Variants in ANKRD36 observed in about 807,000 individuals in gnomAD.
ANKRD36 encodes ankyrin repeat domain-containing protein 36A.
ANKRD36 carries 179 observed loss-of-function variants against 278.1 expected under a neutral mutation model. That is an observed-to-expected ratio of 0.64 (90% CI 0.57 to 0.73). ANKRD36 has a LOEUF of 0.73. Among genes scored for constraint, ANKRD36 ranks in the 30% least tolerant of loss-of-function variants. The probability of loss-of-function intolerance (pLI) is 0.00; values close to 1 mark genes in which losing one functional copy is unlikely to be tolerated. For missense variants in ANKRD36, 1,159 were observed against 1,956.7 expected (o/e 0.59, Z 7.69); for synonymous variants, 320 against 641.1 (o/e 0.50, Z 7.57).
In ANKRD36 at chr2:97,209,831, A is replaced by T; in HGVS notation, c.3326A>T (p.Tyr1109Phe). 6.3e-7 allele frequency: 1 copy of T among 1,596,686 alleles called. No individual in the cohort carries two copies. Among genetic ancestry groups the T allele is most frequent in the Non-Finnish European group, 8.5e-7 (1 of 1,174,064 alleles). ...ATSDEKDSVL[Y>F]IAREKKDGEK... ...AGTGACGAGAAAGATTCTGTTTTGTATATAGCCAGAGAAAAAAAGGATGGA... is the reference window on the plus strand; with the variant it reads ...AGTGACGAGAAAGATTCTGTTTTGTTTATAGCCAGAGAAAAAAAGGATGGA... The change falls in exon 56 of 76, where the codon TAT becomes TTT. Residue 1109 changes from tyrosine to phenylalanine, a missense_variant. By Grantham distance (22) the Tyr-to-Phe change is conservative. Coordinates refer to ENST00000420699, the MANE Select transcript of ANKRD36 (RefSeq NM_001354587.1).
chr2:97,231,209 G>C (rs1414125304), intron 67 of ANKRD36, among the ~76,000 whole-genome samples: 2 of 152,126 alleles, frequency 1.3e-5, no homozygotes, highest in Non-Finnish European at 2.9e-5. Context: ...AGAGGTTACT[G>C]CTGTCTTTTT....
At position 97,146,562 on chromosome 2, in the gene ANKRD36, TAGAG is replaced by T. The variant is rs754942050; in HGVS notation, c.1034+50_1034+53del. Reference sequence around the variant, plus strand: ...TAAAGTGATATGTTAACTTAGTTAATAGAGAGAATAGAAACTAGTATCCATTTAG... The same window carrying T: ...TAAAGTGATATGTTAACTTAGTTAATAGAATAGAAACTAGTATCCATTTAG... On this transcript the variant is annotated intron_variant, in intron 11 of 75. Coordinates refer to ENST00000420699, the MANE Select transcript of ANKRD36 (RefSeq NM_001354587.1). 5.9e-5 allele frequency: 84 copies of T among 1,430,200 alleles called. 1 individual carries two copies. Among genetic ancestry groups the T allele is most frequent in the Non-Finnish European group, 6.7e-5 (72 of 1,066,930 alleles). 88.6% of individuals were successfully genotyped at this position (1,430,200 alleles called of 1,614,324 possible).
chr2:97,151,767 T>G, intron 12 of ANKRD36, 112 bp from the exon 13 acceptor site: 1 of 796,228 alleles, frequency 1.3e-6, no homozygotes. Flanking sequence ...AATCTACATA[T>G]GAGTGATTTC....
At chr2:97,165,666 T>A (rs2050426658) in intron 20 of ANKRD36, among the ~76,000 whole-genome samples, 2 of 152,082 alleles carry the variant, frequency 1.3e-5, no homozygotes, top group Admixed American at 1.3e-4. Flanking sequence ...TGTTGGGCCC[T>A]ATAAAGGGTT....
rs770149151 is a variant in ANKRD36 at position 97,185,424 on chromosome 2, C to T, written c.1969-14C>T. 56 of 1,608,826 alleles carry T rather than the reference C, an allele frequency of 3.5e-5. No individual in the cohort carries two copies. Among genetic ancestry groups the T allele is most frequent in the Non-Finnish European group, 4.3e-5 (51 of 1,177,502 alleles). On this transcript the variant is annotated splice_polypyrimidine_tract_variant and intron_variant, in intron 29 of 75. Transcript: ENST00000420699. ...TACTTTCTTTATTGATAATTTGCTT[C>T]AAATTACTTTCAGGCTACAAGTGAC... is the stretch of plus-strand genomic sequence containing the variant.
chr2:97,206,132 A>G lies in ANKRD36; in HGVS notation c.3160A>G (p.Thr1054Ala). ...RENKDGEKSR[T>A]VSSEKPSGLK... ...AAACAAGGATGGAGAAAAATCTAGG[A>G]CAGGTAATTCTGAAAACAGATTTAA... Residue 1054 changes from threonine to alanine, a missense_variant, in exon 52 of 76, where the codon ACA becomes GCA. Physicochemically the swap from Thr to Ala is moderately conservative, Grantham distance 58. Coordinates refer to ENST00000420699, the MANE Select transcript of ANKRD36 (RefSeq NM_001354587.1). 2 of 1,537,086 alleles carry G rather than the reference A, an allele frequency of 1.3e-6. No homozygotes were observed. Among genetic ancestry groups the G allele is most frequent in the South Asian group, 1.2e-5 (1 of 83,112 alleles).
At chr2:97,150,225 A>T (rs2045548222) in intron 12 of ANKRD36, among the ~76,000 whole-genome samples, 1 of 151,760 alleles carries the variant, frequency 6.6e-6, no homozygotes, top group African/African-American at 2.4e-5. Context: ...GACTCTTCAT[A>T]TTTTATGGTC....
At chr2:97,161,372 T>C (rs1316812011) in intron 17 of ANKRD36, among the ~76,000 whole-genome samples, 1 of 152,192 alleles carries the variant, frequency 6.6e-6, no homozygotes, top group East Asian at 1.9e-4. Flanking sequence ...CCAAATTTTG[T>C]ATTTTCTACC....
At position 97,142,776 on chromosome 2, in the gene ANKRD36, A is replaced by G; in HGVS notation, c.842A>G (p.Lys281Arg). 6.3e-7 allele frequency: 1 copy of G among 1,579,964 alleles called. No homozygotes were observed. Among genetic ancestry groups the G allele is most frequent in the Non-Finnish European group, 8.6e-7 (1 of 1,163,058 alleles). Residue 281 changes from lysine to arginine, a missense_variant, in exon 8 of 76, where the codon AAG becomes AGG. Transcript: ENST00000420699. The stretch of plus-strand genomic sequence containing the variant: ...AATCCCACTCAGGCTACAAGTGGCA[A>G]GGAAGATTCTATTTCAAATATAGCC... ...KQPALKATSGKEDSISNIATE... is the reference protein window; with the variant it reads ...KQPALKATSGREDSISNIATE...
At chr2:97,114,391 C>T (rs1400184538) in intron 1 of ANKRD36, among the ~76,000 whole-genome samples, 1 of 126,780 alleles carries the variant, frequency 7.9e-6, no homozygotes, top group Non-Finnish European at 1.7e-5. Context: ...GCAGGCTCAG[C>T]CGCACCTGGG....
intron 50 of ANKRD36, 87 bp from the exon 51 acceptor site, chr2:97,205,853 C>T: frequency 7.6e-6 from 11 of 1,449,190 alleles, no homozygotes; most frequent in African/African-American, 1.4e-5. Flanking sequence ...GGCAGGAGGA[C>T]AGAGGTTGAT....
At chr2:97,202,070 A>C in intron 46 of ANKRD36, 132 bp from the exon 47 acceptor site, 1 of 1,534,174 alleles carries the variant, frequency 6.5e-7, no homozygotes, top group Non-Finnish European at 8.7e-7. Flanking sequence ...GTCCCCAGAC[A>C]CAAAGTAGAA....
At position 97,191,198 on chromosome 2, in the gene ANKRD36, C is replaced by T. The variant is rs1417646519; in HGVS notation, c.2347+17C>T. ...CTGGGACAGGTAATTTTGCAAAAGA[C>T]ATTTAATGTCATATTCAGTCCAGAT... On this transcript the variant is annotated intron_variant, in intron 36 of 75. Coordinates refer to ENST00000420699, the MANE Select transcript of ANKRD36 (RefSeq NM_001354587.1). 5 of 1,570,746 alleles carry T rather than the reference C, an allele frequency of 3.2e-6. No individual in the cohort carries two copies. The highest frequency in any genetic ancestry group is 1.2e-5 in the South Asian group (1 of 86,622).
intron 8 of ANKRD36, among the ~76,000 whole-genome samples, chr2:97,143,446 A>T (rs56296228): frequency 6.6e-6 from 1 of 152,260 alleles, no homozygotes; most frequent in South Asian, 2.1e-4. Context: ...TGGAAGCAGG[A>T]TAGATTGCTA....
Position 97,138,194 on chromosome 2 carries a change from A to C in ANKRD36, c.800-4446A>C, listed in dbSNP as rs866470883. On this transcript the variant is annotated intron_variant, in intron 6 of 75. Transcript: ENST00000420699. ...ATGACATGATTGTATATTTAGAAAA[A>C]CAAATTGTCTCAGCCCCAAATCTCC... is the stretch of plus-strand genomic sequence containing the variant. Among the ~76,000 whole-genome samples, 81 of 151,266 alleles carry C rather than the reference A, an allele frequency of 5.4e-4. 2 individuals are homozygous for C. The highest frequency in any genetic ancestry group is 8.4e-4 in the Non-Finnish European group (57 of 67,658).
At chr2:97,191,678 A>G (rs2058547861) in intron 36 of ANKRD36, among the ~76,000 whole-genome samples, 1 of 151,702 alleles carries the variant, frequency 6.6e-6, no homozygotes, top group African/African-American at 2.4e-5. Context: ...GAAGTCATTT[A>G]TATAATTTTG....
intron 22 of ANKRD36, among the ~76,000 whole-genome samples, chr2:97,171,050 A>T (rs2052332989): frequency 6.6e-6 from 1 of 150,728 alleles, no homozygotes; most frequent in Non-Finnish European, 1.5e-5. Flanking sequence ...GTCAGGAAAC[A>T]ACAGGTGCTG....
At chr2:97,158,460 C>T (rs2048076997) in intron 16 of ANKRD36, 128 bp from the exon 17 acceptor site, 2 of 885,982 alleles carry the variant, frequency 2.3e-6, no homozygotes, top group Non-Finnish European at 3.4e-6. Context: ...CACCTGACCT[C>T]ATATGATCTG....
chr2:97,244,168 A>G (rs2075083013), intron 70 of ANKRD36, 139 bp downstream of exon 70: 1 of 1,134,950 alleles, frequency 8.8e-7, no homozygotes, highest in Non-Finnish European at 1.2e-6. Context: ...CATGGCATTT[A>G]TAGCTATAAT....
Sources: allele counts gnomAD v4.1 joint callset (sites outside exome capture counted in the v4.1 genomes callset), GRCh38; gene constraint gnomAD v4.1.1; transcripts MANE v1.5; gene names NCBI Gene and HGNC (gene_info 2026-07-23, HGNC 2026-07-21).